The following AKAP6 variants were observed in gnomAD, a reference collection of about 807,000 sequenced individuals.
The protein encoded by AKAP6 is A-kinase anchor protein 6.
Under a neutral mutation model 188.5 loss-of-function variants are expected in AKAP6, and 58 were observed. The ratio of observed to expected loss-of-function variants is 0.31; its 90% CI spans 0.25 to 0.38. The LOEUF (loss-of-function observed/expected upper bound fraction) is 0.38, where lower values mean the gene tolerates loss of function less well. Among genes scored for constraint, AKAP6 ranks in the 10% least tolerant of loss-of-function variants. The pLI is 1.00. For missense variants in AKAP6, 2,710 were observed against 2,740.0 expected, an observed-to-expected ratio of 0.99 and a Z score of 0.24; for synonymous variants, 989 against 998.6, an observed-to-expected ratio of 0.99 and a Z score of 0.18.
chr14:32,582,721 C>T (rs968953295), intron 5 of AKAP6, among the ~76,000 whole-genome samples: 95 of 151,850 alleles, frequency 6.3e-4, no homozygotes, highest in Middle Eastern at 6.8e-3. Context: ...CTTCCCTTCT[C>T]GCTTCATTTC....
chr14:32,681,677 A>AAT (rs1358308422), intron 8 of AKAP6, among the ~76,000 whole-genome samples: 51 of 138,194 alleles, frequency 3.7e-4, no homozygotes, highest in African/African-American at 1.0e-3. Context: ...AATTTGACAA[A>AAT]TTTTTTTTTT....
At chr14:32,348,791 A>C (rs1221807857) in intron 1 of AKAP6, among the ~76,000 whole-genome samples, 1 of 152,004 alleles carries the variant, frequency 6.6e-6, no homozygotes, top group African/African-American at 2.4e-5. Flanking sequence ...TGCTTTTTCC[A>C]CATTGCTCCC....
chr14:32,670,096 C>CA (rs35146450), intron 7 of AKAP6, among the ~76,000 whole-genome samples: 823 of 54,684 alleles, frequency 0.015, 8 homozygotes, highest in East Asian at 0.046. Flanking sequence ...GACTCTGTCT[C>CA]AAAAAAAAAA....
chr14:32,398,994 C>G (rs748695647), intron 1 of AKAP6, among the ~76,000 whole-genome samples: 138 of 151,388 alleles, frequency 9.1e-4, no homozygotes, highest in Admixed American at 2.6e-3. Context: ...TAGCTGGGAC[C>G]AGGCATGCCA....
intron 12 of AKAP6, among the ~76,000 whole-genome samples, chr14:32,788,031 A>G (rs2033479100): frequency 1.0e-5 from 1 of 97,360 alleles, no homozygotes; most frequent in Non-Finnish European, 2.2e-5. Flanking sequence ...ACAGAGTGAG[A>G]CCCCATCTCA....
intron 7 of AKAP6, among the ~76,000 whole-genome samples, chr14:32,604,192 G>A (rs897994631): frequency 2.0e-5 from 3 of 152,052 alleles, no homozygotes; most frequent in Non-Finnish European, 4.4e-5. Context: ...CTATTCTAGA[G>A]CATTTTCATG....
intron 11 of AKAP6, among the ~76,000 whole-genome samples, chr14:32,755,247 C>T (rs1192006096): frequency 1.3e-5 from 2 of 151,750 alleles, no homozygotes; most frequent in East Asian, 1.9e-4. Flanking sequence ...TGTTTTCAAG[C>T]TCTGTGGTTT....
chr14:32,692,877 C>T (rs1890239850), intron 8 of AKAP6, among the ~76,000 whole-genome samples: 1 of 152,198 alleles, frequency 6.6e-6, no homozygotes, highest in Non-Finnish European at 1.5e-5. Flanking sequence ...CCTACACTCA[C>T]ACTTTCCTAG....
At chr14:32,745,497 GTC>G (rs368703359) in intron 11 of AKAP6, among the ~76,000 whole-genome samples, 178 of 53,546 alleles carry the variant, frequency 3.3e-3, no homozygotes, top group Admixed American at 4.6e-3. Flanking sequence ...CTCTCTCTCT[GTC>G]TCTCTCTCTC....
intron 3 of AKAP6, among the ~76,000 whole-genome samples, chr14:32,541,330 A>AATAT (rs10594060): frequency 1.3e-5 from 2 of 148,162 alleles, no homozygotes; most frequent in African/African-American, 4.9e-5. Context: ...ATATTCATCT[A>AATAT]ATATATATAT....
At chr14:32,366,690 CTCTGTGTGTGTGTG>C (rs1173123888) in intron 1 of AKAP6, among the ~76,000 whole-genome samples, 2 of 151,818 alleles carry the variant, frequency 1.3e-5, no homozygotes, top group Non-Finnish European at 2.9e-5. Context: ...TTTGAAAATG[CTCTGTGTGTGTGTG>C]TCTGTGTGTG....
chr14:32,575,178 A>C (rs1884661811), intron 4 of AKAP6, among the ~76,000 whole-genome samples: 3 of 152,180 alleles, frequency 2.0e-5, no homozygotes, highest in Admixed American at 2.0e-4. Flanking sequence ...AAAGCAAAGC[A>C]ACTCTCAAAT....
At chr14:32,820,207 T>C (rs980739678) in intron 12 of AKAP6, among the ~76,000 whole-genome samples, 1 of 152,022 alleles carries the variant, frequency 6.6e-6, no homozygotes, top group Non-Finnish European at 1.5e-5. Context: ...TTGGCTACGC[T>C]GCATAAGCAT....
At chr14:32,344,381 G>A (rs1335959440) in intron 1 of AKAP6, among the ~76,000 whole-genome samples, 1 of 152,218 alleles carries the variant, frequency 6.6e-6, no homozygotes, top group East Asian at 1.9e-4. Context: ...AACATACGTA[G>A]CTGAGCAAGA....
At chr14:32,672,241 C>A (rs1188708689) in intron 7 of AKAP6, among the ~76,000 whole-genome samples, 1 of 151,996 alleles carries the variant, frequency 6.6e-6, no homozygotes, top group African/African-American at 2.4e-5. Context: ...TAAATGCATA[C>A]AAAATAAAGG....
chr14:32,596,705 T>G (rs1885717802), intron 5 of AKAP6, among the ~76,000 whole-genome samples: 1 of 152,148 alleles, frequency 6.6e-6, no homozygotes, highest in African/African-American at 2.4e-5. Flanking sequence ...GTGCTATGGA[T>G]ATTGCAGAGG....
intron 1 of AKAP6, among the ~76,000 whole-genome samples, chr14:32,393,221 G>A (rs1333356754): frequency 6.6e-6 from 1 of 152,074 alleles, no homozygotes; most frequent in Non-Finnish European, 1.5e-5. Flanking sequence ...ATACTGACAT[G>A]TTTGCCTTGA....
At chr14:32,454,785 C>T (rs182730033) in intron 2 of AKAP6, among the ~76,000 whole-genome samples, 230 of 14,800 alleles carry the variant, frequency 0.016, 20 homozygotes, top group African/African-American at 0.069. Context: ...CCTTCCCTCC[C>T]TCCCTCCTTC....
intron 1 of AKAP6, 51 bp from the exon 2 acceptor site, chr14:32,433,409 A>T: frequency 2.5e-6 from 3 of 1,214,880 alleles, no homozygotes; most frequent in Non-Finnish European, 3.5e-6. Flanking sequence ...TCATTTCTTT[A>T]TTTGGCAATC....
Sources: gnomAD v4.1 joint callset for allele counts (sites outside exome capture counted in the v4.1 genomes callset) on GRCh38, gnomAD v4.1.1 for gene constraint, MANE v1.5 for transcripts, NCBI Gene and HGNC (gene_info 2026-07-23, HGNC 2026-07-21) for gene names.